Variants in ANK2 observed in about 807,000 individuals in gnomAD.
ANK2 encodes the protein ankyrin-2.
Under a neutral mutation model 360.5 loss-of-function variants are expected in ANK2, and 83 were observed. The ratio of observed to expected loss-of-function variants is 0.23; its 90% CI spans 0.19 to 0.28. The LOEUF (loss-of-function observed/expected upper bound fraction) is 0.28, where lower values mean the gene tolerates loss of function less well. ANK2 is among the 10% of genes least tolerant of loss of function. ANK2 has a pLI of 1.00. For synonymous variants in ANK2, 1,740 were observed against 1,759.5 expected, an observed-to-expected ratio of 0.99 and a Z score of 0.28; for missense variants, 4,201 against 4,795.7, an observed-to-expected ratio of 0.88 and a Z score of 3.66.
At chr4:113,009,097 G>A (rs1004227612) in intron 2 of ANK2, among the ~76,000 whole-genome samples, 3 of 152,158 alleles carry the variant, frequency 2.0e-5, no homozygotes, top group Non-Finnish European at 2.9e-5. Flanking sequence ...TGAATCAAAG[G>A]TTTTAAATTA....
intron 1 of ANK2, among the ~76,000 whole-genome samples, chr4:112,824,170 T>TCTATCTAC (rs1226128248): frequency 1.3e-5 from 2 of 151,924 alleles, no homozygotes; most frequent in Non-Finnish European, 2.9e-5. Context: ...TATCTATCTA[T>TCTATCTAC]CTATCTATCT....
intron 2 of ANK2, among the ~76,000 whole-genome samples, chr4:112,916,106 A>G (rs1320584060): frequency 6.6e-6 from 1 of 152,194 alleles, no homozygotes; most frequent in East Asian, 1.9e-4. Flanking sequence ...GTAAAAGTAT[A>G]TTTGTTTTAT....
intron 23 of ANK2, among the ~76,000 whole-genome samples, chr4:113,304,664 C>A (rs1464820390): frequency 6.6e-6 from 1 of 152,046 alleles, no homozygotes; most frequent in African/African-American, 2.4e-5. Flanking sequence ...CTAAGTTAGA[C>A]CACTTGAAAT....
At chr4:112,849,469 C>T (rs192992785) in intron 1 of ANK2, among the ~76,000 whole-genome samples, 1 of 152,226 alleles carries the variant, frequency 6.6e-6, no homozygotes, top group Non-Finnish European at 1.5e-5. Flanking sequence ...TCCCCCAGCT[C>T]TCTTCACTGC....
rs74773751 is a variant in ANK2, at chr4:113,030,984, T to C, written c.21+126470T>C. Among the ~76,000 whole-genome samples the C allele has an allele frequency of 6.0e-3, 913 of 151,850 alleles. 8 individuals carry two copies. The highest frequency in any genetic ancestry group is 0.021 in the African/African-American group (867 of 41,442). ...AAGACATTTTGGTGGGCTATCAGAGTGATAGATATTATGAGAGACAAAGAG... is the reference window on the plus strand; with the variant it reads ...AAGACATTTTGGTGGGCTATCAGAGCGATAGATATTATGAGAGACAAAGAG... On this transcript the variant is annotated intron_variant, in intron 2 of 30. Transcript: ENST00000503271.
intron 1 of ANK2, chr4:113,141,224 A>G (rs911121130): frequency 5.3e-5 from 8 of 152,188 alleles, no homozygotes; most frequent in African/African-American, 1.9e-4. Context: ...TCACCTTGAA[A>G]AAGAGCTCCT....
chr4:113,217,496 C>T (rs2153474361), intron 4 of ANK2, among the ~76,000 whole-genome samples: 1 of 152,186 alleles, frequency 6.6e-6, no homozygotes, highest in South Asian at 2.1e-4. Flanking sequence ...TGCCAAGGAC[C>T]GATTTTGTTG....
chr4:113,018,750 C>T (rs1579155885), intron 2 of ANK2, among the ~76,000 whole-genome samples: 1 of 152,210 alleles, frequency 6.6e-6, no homozygotes, highest in Admixed American at 6.5e-5. Flanking sequence ...CAACATCCTT[C>T]AGATCTTCTT....
intron 20 of ANK2, among the ~76,000 whole-genome samples, chr4:113,289,497 C>A (rs938224408): frequency 6.6e-6 from 1 of 152,058 alleles, no homozygotes; most frequent in African/African-American, 2.4e-5. Context: ...AAGTGTGAGC[C>A]ACCAAGCCTG....
At chr4:113,195,348 T>C (rs1473217171) in intron 2 of ANK2, among the ~76,000 whole-genome samples, 2 of 152,090 alleles carry the variant, frequency 1.3e-5, no homozygotes, top group East Asian at 3.8e-4. Context: ...TTTCTTTTTT[T>C]ACATTCTGAG....
chr4:112,895,365 C>T (rs1022965608), intron 1 of ANK2, among the ~76,000 whole-genome samples: 1 of 152,134 alleles, frequency 6.6e-6, no homozygotes, highest in Non-Finnish European at 1.5e-5. Context: ...CTTGGGTAGG[C>T]AAGCCTATTT....
In ANK2 at chr4:113,282,985, A is replaced by C. The variant is rs796448925; in HGVS notation, c.2079+113A>C. On this transcript the variant is annotated intron_variant, in intron 18 of 45. Transcript: ENST00000357077. ...CAATGTATTAAAAAGAAACAGGGATATCTTACAGACCCCAAGGACAGGAAG... is the reference window on the plus strand; with the variant it reads ...CAATGTATTAAAAAGAAACAGGGATCTCTTACAGACCCCAAGGACAGGAAG... The C allele has an allele frequency of 5.9e-6, 7 of 1,189,974 alleles. No homozygotes were observed. The African/African-American group carries it at 7.5e-5, about 13-fold the overall frequency. 73.7% of individuals were successfully genotyped at this position (1,189,974 alleles called of 1,614,324 possible). A position where few individuals can be genotyped will look rare whatever the true frequency, so the allele number is the denominator to read the frequency against.
chr4:112,812,835 T>A, the ANK2 span, among the ~76,000 whole-genome samples: 1 of 152,206 alleles, frequency 6.6e-6, no homozygotes, highest in African/African-American at 2.4e-5. Context: ...CTTTCTGCTA[T>A]AAGACAATGT....
chr4:113,099,185 A>G (rs547188115), intron 1 of ANK2, among the ~76,000 whole-genome samples: 2 of 152,090 alleles, frequency 1.3e-5, no homozygotes, highest in East Asian at 3.9e-4. Flanking sequence ...GAAATAACAG[A>G]TATATTGGGA....
At chr4:113,318,393 T>C in intron 25 of ANK2, 124 bp from the exon 26 acceptor site, 1 of 745,486 alleles carries the variant, frequency 1.3e-6, no homozygotes, top group East Asian at 2.7e-5. Context: ...ATTGGTTTTA[T>C]ATTTTAAGTG....
In ANK2 at chr4:113,381,613, G is replaced by A. The variant is rs1205287753; in HGVS notation, c.*142G>A. ...AGCAGCTCCTTCGGCATTTCTGCAA[G>A]GAGGACTTGAAGCAAGAGGCCAAGT... On this transcript the variant is annotated 3_prime_UTR_variant, in exon 46 of 46. Coordinates refer to ENST00000357077, the MANE Select transcript of ANK2 (RefSeq NM_001148.6). 15 of 1,565,014 alleles carry A rather than the reference G, an allele frequency of 9.6e-6. No homozygotes were observed. The highest frequency in any genetic ancestry group is 1.3e-5 in the Non-Finnish European group (15 of 1,153,314).
chr4:113,250,243 A>G (rs1431059287), intron 10 of ANK2, among the ~76,000 whole-genome samples: 2 of 152,218 alleles, frequency 1.3e-5, no homozygotes, highest in Non-Finnish European at 2.9e-5. Flanking sequence ...ACAATTAGCA[A>G]CACAAAATGA....
chr4:113,358,879 G>T lies in ANK2; in HGVS notation c.10261G>T (p.Ala3421Ser), dbSNP rs184653689. 6.2e-7 allele frequency: 1 copy of T among 1,614,078 alleles called. No individual in the cohort carries two copies. The highest frequency in any genetic ancestry group is 2.2e-5 in the East Asian group (1 of 44,872). ...GACAGAAACAGAGAGCAGAGAGAGG[G>T]CCGAGGAACTTGAGTTAGAATCAGA... ...TETETESRERAEELELESEEG... is the reference protein window; with the variant it reads ...TETETESRERSEELELESEEG... The change falls in exon 38 of 46, where the codon GCC (alanine) becomes TCC (serine). Residue 3421 changes from alanine (A) to serine (S), a missense_variant. Physicochemically the swap from Ala to Ser is moderately conservative, Grantham distance 99. Coordinates refer to ENST00000357077, the MANE Select transcript of ANK2 (RefSeq NM_001148.6).
At chr4:112,815,554 G>A (rs372985382), upstream of ANK2, among the ~76,000 whole-genome samples, 1 of 152,180 alleles carries the variant, frequency 6.6e-6, no homozygotes, top group Non-Finnish European at 1.5e-5. Context: ...GACTCTTGGT[G>A]GGGGCAGGGG....
Sources: allele counts gnomAD v4.1 joint callset (sites outside exome capture counted in the v4.1 genomes callset), GRCh38; gene constraint gnomAD v4.1.1; transcripts MANE v1.5; gene names NCBI Gene and HGNC (gene_info 2026-07-23, HGNC 2026-07-21).